FYB1: variants seen among roughly 807,000 people sequenced by gnomAD.
The protein encoded by FYB1 is FYN-binding protein 1.
A neutral mutation model predicts 94.1 loss-of-function variants in FYB1; 41 were observed. The observed-to-expected ratio is 0.44, with a 90% CI of 0.34 to 0.57. The LOEUF (loss-of-function observed/expected upper bound fraction) is 0.57. FYB1 is among the 20% of genes least tolerant of loss of function. FYB1 has a pLI of 0.02. For missense variants in FYB1, 1,050 were observed against 976.8 expected (o/e 1.07, Z -1.00); for synonymous variants, 367 against 353.2 (o/e 1.04, Z -0.44).
Position 39,203,578 on chromosome 5 carries a change from A to T in FYB1, c.-27-591T>A, listed in dbSNP as rs180888320. 1.1e-4 allele frequency among the ~76,000 whole-genome samples: 17 copies of T among 152,292 alleles called. No homozygotes were observed. The East Asian group carries it at 3.3e-3, about 29-fold the overall frequency. On this transcript the variant is annotated intron_variant, in intron 1 of 18. Transcript: ENST00000512982. ...AAAAACCTTGCTCATTTTTATAAGT[A>T]AGTAATAAAATGACTTCTTCTCCTT...
intron 1 of FYB1, among the ~76,000 whole-genome samples, chr5:39,215,412 G>A (rs555887670): frequency 3.9e-5 from 6 of 152,188 alleles, no homozygotes; most frequent in Non-Finnish European, 5.9e-5. Flanking sequence ...TTGCGATGAC[G>A]ATGGGGAAAT....
Position 39,202,075 on chromosome 5 carries a change from G to A in FYB1, c.886C>T (p.Gln296Ter). 6.2e-7 allele frequency: 1 copy of A among 1,613,996 alleles called. No individual in the cohort carries two copies. The highest frequency in any genetic ancestry group is 8.5e-7 in the Non-Finnish European group (1 of 1,179,900). The change falls in exon 2 of 19, where the codon CAG becomes TAG. Residue 296 changes from glutamine to a stop codon, truncating the protein, a stop_gained. Coordinates refer to ENST00000512982, the MANE Select transcript of FYB1 (RefSeq NM_001465.6). LOFTEE classifies it high-confidence loss of function. The stretch of plus-strand genomic sequence containing the variant: ...AACTCTTCCTGATTTATTTTGCTCT[G>A]GAAGGTGTTCTTAGCAGCATCTATC... ...RKIDAAKNTF[Q>*]SKINQEELAS...
intron 16 of FYB1, among the ~76,000 whole-genome samples, chr5:39,116,345 AT>A (rs769979234): frequency 1.3e-5 from 2 of 152,198 alleles, no homozygotes; most frequent in Non-Finnish European, 2.9e-5. Flanking sequence ...CCATCTAAGA[AT>A]TTAGGTAGTT....
At chr5:39,201,345 G>T (rs77816340) in intron 2 of FYB1, among the ~76,000 whole-genome samples, 1 of 152,154 alleles carries the variant, frequency 6.6e-6, no homozygotes, top group Non-Finnish European at 1.5e-5. Flanking sequence ...CTAGAGGCCA[G>T]TAGCACCCTC....
At chr5:39,268,561 T>C (rs1308238587) in intron 1 of FYB1, among the ~76,000 whole-genome samples, 2 of 152,032 alleles carry the variant, frequency 1.3e-5, no homozygotes, top group Non-Finnish European at 2.9e-5. Context: ...TTGAGAAATA[T>C]GTGTTATTTT....
In FYB1 at chr5:39,202,758, G is replaced by C; in HGVS notation, c.203C>G (p.Pro68Arg). ...GSPKPPVAVKPSSEEKPDKEP... is the reference protein window; with the variant it reads ...GSPKPPVAVKRSSEEKPDKEP... ...CTTGTCAGGCTTTTCCTCAGAAGAA[G>C]GTTTGACTGCCACAGGTGGCTTTGG... is the stretch of plus-strand genomic sequence containing the variant. Residue 68 changes from proline (P) to arginine (R), a missense_variant, in exon 2 of 19, where the codon CCT becomes CGT. By Grantham distance (103) the Pro-to-Arg change is moderately radical. Transcript: ENST00000512982. The C allele has an allele frequency of 2.5e-6, 4 of 1,613,928 alleles. No homozygotes were observed. The highest frequency in any genetic ancestry group is 3.4e-6 in the Non-Finnish European group (4 of 1,179,870).
intron 13 of FYB1, 33 bp downstream of exon 13, chr5:39,124,220 A>G: frequency 1.4e-6 from 2 of 1,473,978 alleles, no homozygotes; most frequent in Non-Finnish European, 1.9e-6. Context: ...AGAAATGAAG[A>G]TACAGAACAT....
intron 1 of FYB1, among the ~76,000 whole-genome samples, chr5:39,203,958 T>C (rs1748611670): frequency 6.6e-6 from 1 of 152,220 alleles, no homozygotes; most frequent in Non-Finnish European, 1.5e-5. Context: ...TTTTTAGTTC[T>C]TTTAGAAATA....
chr5:39,140,378 A>T (rs1742064909), intron 4 of FYB1, among the ~76,000 whole-genome samples: 1 of 152,212 alleles, frequency 6.6e-6, no homozygotes. Flanking sequence ...TAAGCAAATA[A>T]AGTGCTCAAA....
At chr5:39,112,947 G>C (rs1739204525) in intron 16 of FYB1, among the ~76,000 whole-genome samples, 1 of 152,050 alleles carries the variant, frequency 6.6e-6, no homozygotes, top group Admixed American at 6.6e-5. Context: ...GTGTGAGATG[G>C]CACTGTGCTG....
At chr5:39,253,070 A>T (rs1478518544) in intron 1 of FYB1, among the ~76,000 whole-genome samples, 1 of 152,228 alleles carries the variant, frequency 6.6e-6, no homozygotes, top group African/African-American at 2.4e-5. Context: ...GACAGAAACA[A>T]TCCGATTTTT....
chr5:39,141,079 T>C lies in FYB1; in HGVS notation c.1339+16A>G, dbSNP rs561367808. On this transcript the variant is annotated intron_variant, in intron 4 of 18. Transcript: ENST00000512982. ...AGTTTACAAATAAATAAATAAAATA[T>C]GTTTTTGTCGTTTACCATCAGAGTG... The C allele has an allele frequency of 1.5e-5, 23 of 1,542,096 alleles. No homozygotes were observed. Among genetic ancestry groups the C allele is most frequent in the African/African-American group, 9.6e-5 (7 of 73,162 alleles).
intron 1 of FYB1, chr5:39,270,648 T>C: frequency 4.9e-6 from 7 of 1,423,222 alleles, no homozygotes; most frequent in South Asian, 1.3e-5. Flanking sequence ...AATGTGCAAG[T>C]TAGCTATGCA....
chr5:39,121,412 A>G (rs1740086036), intron 14 of FYB1, among the ~76,000 whole-genome samples: 1 of 151,990 alleles, frequency 6.6e-6, no homozygotes, highest in Non-Finnish European at 1.5e-5. Context: ...TGATTTTGAT[A>G]CTCTCTCTAG....
chr5:39,115,223 G>A (rs1255801615), intron 16 of FYB1, among the ~76,000 whole-genome samples: 1 of 151,862 alleles, frequency 6.6e-6, no homozygotes, highest in Non-Finnish European at 1.5e-5. Flanking sequence ...AGCCTCTCTA[G>A]TAGCTGGACT....
chr5:39,228,917 G>C (rs1750600539), intron 1 of FYB1, among the ~76,000 whole-genome samples: 1 of 152,104 alleles, frequency 6.6e-6, no homozygotes, highest in Admixed American at 6.6e-5. Context: ...CCTAAATACA[G>C]TTTTCTCTCA....
At chr5:39,249,259 C>A (rs919543876) in intron 1 of FYB1, among the ~76,000 whole-genome samples, 1 of 152,198 alleles carries the variant, frequency 6.6e-6, no homozygotes, top group Non-Finnish European at 1.5e-5. Context: ...CTGACTTTAT[C>A]CACTAGGCCA....
intron 1 of FYB1, among the ~76,000 whole-genome samples, chr5:39,238,779 A>T (rs1204658311): frequency 6.6e-6 from 1 of 152,140 alleles, no homozygotes; most frequent in Admixed American, 6.6e-5. Flanking sequence ...AGGAAAGCCG[A>T]GAGGGTATCA....
chr5:39,154,005 T>G (rs548113481), intron 2 of FYB1, among the ~76,000 whole-genome samples: 1 of 152,228 alleles, frequency 6.6e-6, no homozygotes, highest in South Asian at 2.1e-4. Flanking sequence ...AGGCTGGTTT[T>G]GAACTCCTGG....
Sources: gnomAD v4.1 joint callset for allele counts (sites outside exome capture counted in the v4.1 genomes callset) on GRCh38, gnomAD v4.1.1 for gene constraint, MANE v1.5 for transcripts, NCBI Gene and HGNC (gene_info 2026-07-23, HGNC 2026-07-21) for gene names.